DPF3: variants seen among roughly 807,000 people sequenced by gnomAD.
DPF3 encodes zinc finger protein DPF3.
DPF3 carries 18 observed loss-of-function variants against 56.8 expected under a neutral mutation model. The ratio of observed to expected loss-of-function variants is 0.32; its 90% confidence interval spans 0.22 to 0.47. The LOEUF (loss-of-function observed/expected upper bound fraction) is 0.47, where lower values mean the gene tolerates loss of function less well. DPF3 is among the 20% of genes least tolerant of loss of function. DPF3 has a pLI of 1.00. For synonymous variants in DPF3, 188 were observed against 180.2 expected (o/e 1.04, Z -0.35); for missense variants, 403 against 488.8 (o/e 0.82, Z 1.65).
intron 1 of DPF3, among the ~76,000 whole-genome samples, chr14:72,825,574 G>A (rs1883759988): frequency 6.6e-6 from 1 of 152,218 alleles, no homozygotes; most frequent in South Asian, 2.1e-4. Flanking sequence ...ACACCGCAGG[G>A]CGGGTGCAGC....
chr14:72,661,727 C>G (rs527913586), intron 8 of DPF3: 1 of 985,342 alleles, frequency 1.0e-6, no homozygotes, highest in Non-Finnish European at 1.2e-6. Context: ...CCTTCCTAGC[C>G]CTTGGGGACA....
At chr14:72,656,028 T>C (rs1886052662) in intron 8 of DPF3, among the ~76,000 whole-genome samples, 1 of 152,212 alleles carries the variant, frequency 6.6e-6, no homozygotes, top group African/African-American at 2.4e-5. Flanking sequence ...GTTTCTCCTG[T>C]GCTCCCTGGA....
At chr14:72,727,353 G>A (rs567165702) in intron 4 of DPF3, among the ~76,000 whole-genome samples, 7 of 152,256 alleles carry the variant, frequency 4.6e-5, no homozygotes, top group South Asian at 2.1e-4. Context: ...CGAGGCAGGC[G>A]GATCACGAGG....
intron 2 of DPF3, among the ~76,000 whole-genome samples, chr14:72,769,476 T>C (rs756438250): frequency 6.6e-6 from 1 of 151,908 alleles, no homozygotes; most frequent in Admixed American, 6.5e-5. Context: ...GGTCAAGAGA[T>C]CAAGACAATC....
chr14:72,838,395 G>A (rs1405049998), intron 1 of DPF3, among the ~76,000 whole-genome samples: 1 of 152,200 alleles, frequency 6.6e-6, no homozygotes, highest in African/African-American at 2.4e-5. Context: ...TCAGAAGGCT[G>A]AGGCAGGAGA....
At chr14:72,835,715 C>T (rs1448123439) in intron 1 of DPF3, among the ~76,000 whole-genome samples, 1 of 152,194 alleles carries the variant, frequency 6.6e-6, no homozygotes, top group African/African-American at 2.4e-5. Context: ...CCCCTGGCTA[C>T]TCACTCTGTG....
chr14:72,892,114 AC>A, intron 1 of DPF3: 1 of 1,514,392 alleles, frequency 6.6e-7, no homozygotes, highest in Middle Eastern at 1.8e-4. Context: ...CTCCCGGGTA[AC>A]TAGGGTACGG....
chr14:72,806,358 C>A (rs1048285546), intron 1 of DPF3, among the ~76,000 whole-genome samples: 1 of 152,144 alleles, frequency 6.6e-6, no homozygotes, highest in Non-Finnish European at 1.5e-5. Flanking sequence ...TGATTCTACT[C>A]ATTCATTTAG....
chr14:72,727,141 G>A (rs765581959), intron 4 of DPF3, among the ~76,000 whole-genome samples: 20 of 150,128 alleles, frequency 1.3e-4, no homozygotes, highest in Non-Finnish European at 1.9e-4. Flanking sequence ...ACAATACTCC[G>A]GCCACACAGG....
In DPF3 at chr14:72,747,334, G is replaced by T. The variant is rs138442084; in HGVS notation, c.301+5930C>A. ...CCCCTGGGTGGCAGCAATTGGTTGT[G>T]GGGGGGTAATAACCCCAGCCAGCTA... is the stretch of plus-strand genomic sequence containing the variant. On this transcript the variant is annotated intron_variant, in intron 3 of 10. Coordinates refer to ENST00000556509, the MANE Select transcript of DPF3 (RefSeq NM_001280542.3). Among the ~76,000 whole-genome samples the T allele has an allele frequency of 5.7e-4, 86 of 152,204 alleles. No homozygotes were observed. The East Asian group carries it at 0.01, about 18-fold the overall frequency.
intron 3 of DPF3, among the ~76,000 whole-genome samples, chr14:72,735,012 G>A (rs1433978771): frequency 6.6e-6 from 1 of 152,136 alleles, no homozygotes; most frequent in Non-Finnish European, 1.5e-5. Context: ...AGCTTATAGA[G>A]GTTGAGAACT....
In DPF3 at chr14:72,815,165, G is replaced by A. The variant is rs146247631; in HGVS notation, c.33-43272C>T. On this transcript the variant is annotated intron_variant, in intron 1 of 10. Transcript: ENST00000556509. Reference sequence around the variant, plus strand: ...GACAAATGACTCCATTTCTTTTAAGGTCAAAGAACTGAACAGACATTTCAC... The same window carrying A: ...GACAAATGACTCCATTTCTTTTAAGATCAAAGAACTGAACAGACATTTCAC... 9.5e-4 allele frequency among the ~76,000 whole-genome samples: 144 copies of A among 152,020 alleles called. 2 individuals are homozygous for A. In the East Asian group the frequency reaches 0.019, roughly 20 times the overall value.
At chr14:72,640,066 AAAAAAAAAAAAAAAT>A in intron 8 of DPF3, among the ~76,000 whole-genome samples, 1 of 144,334 alleles carries the variant, frequency 6.9e-6, no homozygotes, top group South Asian at 2.2e-4. Flanking sequence ...AAAAAAAAAA[AAAAAAAAAAAAAAAT>A]GGAAACAGCA....
intron 1 of DPF3, among the ~76,000 whole-genome samples, chr14:72,868,151 T>A (rs1347126252): frequency 1.3e-5 from 2 of 152,148 alleles, no homozygotes; most frequent in Admixed American, 6.5e-5. Flanking sequence ...AGGAACTACA[T>A]CTGAACATCG....
At chr14:72,724,526 T>C (rs1187123896) in intron 4 of DPF3, among the ~76,000 whole-genome samples, 1 of 151,918 alleles carries the variant, frequency 6.6e-6, no homozygotes, top group Non-Finnish European at 1.5e-5. Context: ...ATACTCTCCA[T>C]GTAGGGGCCT....
At chr14:72,773,842 AT>A (rs773822686) in intron 1 of DPF3, 10 of 455,414 alleles carry the variant, frequency 2.2e-5, no homozygotes, top group African/African-American at 2.0e-4. Context: ...TCAGAATAAT[AT>A]TTTTTAAGTC....
intron 1 of DPF3, among the ~76,000 whole-genome samples, chr14:72,779,834 C>T (rs186481219): frequency 6.3e-4 from 96 of 152,338 alleles, no homozygotes; most frequent in African/African-American, 2.1e-3. Flanking sequence ...CTCACTATTG[C>T]GGTGTCCTTG....
chr14:72,624,401 C>A (rs558614520), intron 9 of DPF3, among the ~76,000 whole-genome samples: 1 of 140,940 alleles, frequency 7.1e-6, no homozygotes, highest in East Asian at 2.0e-4. Flanking sequence ...TGCAGTGGTG[C>A]CATCTCGGCT....
chr14:72,683,861 T>C (rs1028947857), intron 7 of DPF3, among the ~76,000 whole-genome samples: 2 of 152,160 alleles, frequency 1.3e-5, no homozygotes, highest in African/African-American at 4.8e-5. Flanking sequence ...CAGAGGGTTC[T>C]AGGGCGTGGG....
Sources: gnomAD v4.1 joint callset for allele counts (sites outside exome capture counted in the v4.1 genomes callset) on GRCh38, gnomAD v4.1.1 for gene constraint, MANE v1.5 for transcripts, NCBI Gene and HGNC (gene_info 2026-07-23, HGNC 2026-07-21) for gene names.